PTPRR: variants seen among roughly 807,000 people sequenced by gnomAD.
PTPRR encodes protein tyrosine phosphatase receptor type R.
PTPRR carries 38 observed loss-of-function variants against 77.2 expected under a neutral mutation model. That is an observed-to-expected ratio of 0.49 (90% CI 0.38 to 0.65). The LOEUF is 0.65. Among genes scored for constraint, PTPRR ranks in the 30% least tolerant of loss-of-function variants. PTPRR has a pLI of 0.00. For missense variants in PTPRR, 744 were observed against 799.2 expected (o/e 0.93, Z 0.83); for synonymous variants, 299 against 283.1 (o/e 1.06, Z -0.57).
intron 10 of PTPRR, among the ~76,000 whole-genome samples, chr12:70,671,128 C>T (rs1887206735): frequency 6.6e-6 from 1 of 152,122 alleles, no homozygotes; most frequent in Non-Finnish European, 1.5e-5. Context: ...TGACGCTTAA[C>T]ACAATTGAAA....
At chr12:70,643,599 CA>C (rs1886089284) in intron 13 of PTPRR, among the ~76,000 whole-genome samples, 1 of 152,124 alleles carries the variant, frequency 6.6e-6, no homozygotes, top group Admixed American at 6.5e-5. Context: ...ATGGAACTCT[CA>C]AGAGAGCTCT....
intron 6 of PTPRR, among the ~76,000 whole-genome samples, chr12:70,712,874 C>CT (rs1478839226): frequency 6.7e-6 from 1 of 149,536 alleles, no homozygotes; most frequent in African/African-American, 2.5e-5. Flanking sequence ...ACTCCCTCCT[C>CT]TTTTTTATTG....
chr12:70,839,729 C>A (rs957251616), intron 2 of PTPRR, among the ~76,000 whole-genome samples: 1 of 152,114 alleles, frequency 6.6e-6, no homozygotes, highest in Non-Finnish European at 1.5e-5. Flanking sequence ...TGGGCTCCCC[C>A]TTTTGGTAAC....
chr12:70,873,092 T>G (rs578127310), intron 2 of PTPRR, among the ~76,000 whole-genome samples: 1 of 152,310 alleles, frequency 6.6e-6, no homozygotes, highest in Admixed American at 6.5e-5. Flanking sequence ...GAGCTTCCTG[T>G]CTCAAACAAG....
intron 2 of PTPRR, among the ~76,000 whole-genome samples, chr12:70,807,300 T>A (rs1891727509): frequency 6.6e-6 from 1 of 152,230 alleles, no homozygotes; most frequent in South Asian, 2.1e-4. Flanking sequence ...ATTTATTGCA[T>A]CATCCTCTTA....
chr12:70,760,779 T>A (rs1269281019), intron 4 of PTPRR, among the ~76,000 whole-genome samples: 2 of 152,198 alleles, frequency 1.3e-5, no homozygotes, highest in Non-Finnish European at 2.9e-5. Flanking sequence ...ATTTCATGAT[T>A]CCATGAATTG....
chr12:70,818,369 A>G (rs1386735098), intron 2 of PTPRR, among the ~76,000 whole-genome samples: 2 of 152,196 alleles, frequency 1.3e-5, no homozygotes. Context: ...AGAGAAGGAT[A>G]GGTAGCTGAT....
In PTPRR at chr12:70,900,708, C is replaced by A. The variant is rs1241006820; in HGVS notation, c.59-7731G>T. On this transcript the variant is annotated intron_variant, in intron 1 of 13. Transcript: ENST00000283228. ...AAAATTAACCCAGTGAAAAGATGGG[C>A]AAAAGATTTGAACAGATATTTCTGA... 2.0e-5 allele frequency among the ~76,000 whole-genome samples: 3 copies of A among 151,380 alleles called. No individual in the cohort carries two copies. In the South Asian group the frequency reaches 6.2e-4, roughly 31 times the overall value.
chr12:70,705,538 A>G (rs2136795450), intron 6 of PTPRR, among the ~76,000 whole-genome samples: 1 of 152,048 alleles, frequency 6.6e-6, no homozygotes. Flanking sequence ...ACAGATGATC[A>G]TTTTTTCTTG....
chr12:70,705,380 A>G (rs1283351472), intron 6 of PTPRR, among the ~76,000 whole-genome samples: 2 of 152,144 alleles, frequency 1.3e-5, no homozygotes, highest in Non-Finnish European at 2.9e-5. Context: ...AGAAAGGGCT[A>G]AAATTTCTAG....
chr12:70,735,674 G>A (rs999842573), intron 6 of PTPRR, among the ~76,000 whole-genome samples: 5 of 152,200 alleles, frequency 3.3e-5, no homozygotes, highest in African/African-American at 1.2e-4. Flanking sequence ...TTGTAAGCAG[G>A]TTGTCAAGAT....
At chr12:70,644,686 C>T (rs1366403607) in intron 13 of PTPRR, among the ~76,000 whole-genome samples, 1 of 152,110 alleles carries the variant, frequency 6.6e-6, no homozygotes, top group Non-Finnish European at 1.5e-5. Flanking sequence ...GTTATTGTTA[C>T]TCTTTGGTAC....
At chr12:70,746,144 G>T in intron 5 of PTPRR, 58 bp from the exon 6 acceptor site, 1 of 1,503,620 alleles carries the variant, frequency 6.7e-7, no homozygotes. Flanking sequence ...ACAAGAGTAT[G>T]ATCTCCTCCA....
At chr12:70,887,832 C>T (rs1893267096) in intron 2 of PTPRR, among the ~76,000 whole-genome samples, 2 of 152,014 alleles carry the variant, frequency 1.3e-5, no homozygotes, top group Non-Finnish European at 2.9e-5. Flanking sequence ...CCTCTGAAAA[C>T]CCAAGTATCC....
At chr12:70,781,061 T>C (rs1891192993) in intron 2 of PTPRR, among the ~76,000 whole-genome samples, 1 of 152,208 alleles carries the variant, frequency 6.6e-6, no homozygotes, top group Non-Finnish European at 1.5e-5. Context: ...ACTTTCGTGA[T>C]TTGAAGTCAC....
At chr12:70,737,680 T>C (rs1889917532) in intron 6 of PTPRR, among the ~76,000 whole-genome samples, 1 of 152,066 alleles carries the variant, frequency 6.6e-6, no homozygotes, top group Non-Finnish European at 1.5e-5. Flanking sequence ...CCACCATGCC[T>C]GGCTAATTTG....
chr12:70,895,408 C>G (rs951843805), intron 1 of PTPRR, among the ~76,000 whole-genome samples: 3 of 151,382 alleles, frequency 2.0e-5, no homozygotes, highest in African/African-American at 7.3e-5. Context: ...CTAAAATTGG[C>G]CTACCGAGAA....
At chr12:70,662,680 C>G (rs1456860189) in intron 10 of PTPRR, 75 bp from the exon 11 acceptor site, 5 of 776,148 alleles carry the variant, frequency 6.4e-6, no homozygotes, top group African/African-American at 1.7e-5. Context: ...ATTCAAGCAT[C>G]TCAAGAGTTT....
chr12:70,661,593 G>A (rs1047037618), intron 11 of PTPRR, among the ~76,000 whole-genome samples: 1 of 152,256 alleles, frequency 6.6e-6, no homozygotes, highest in African/African-American at 2.4e-5. Flanking sequence ...CAATAAAGAA[G>A]CTACATGAGA....
Sources: allele counts gnomAD v4.1 joint callset (sites outside exome capture counted in the v4.1 genomes callset), GRCh38; gene constraint gnomAD v4.1.1; transcripts MANE v1.5; gene names NCBI Gene and HGNC (gene_info 2026-07-23, HGNC 2026-07-21).